Variants in KANK3 observed in about 807,000 individuals in gnomAD.
KANK3 encodes KN motif and ankyrin repeat domains 3.
KANK3 carries 61 observed loss-of-function variants against 65.4 expected under a neutral mutation model. The observed-to-expected ratio is 0.93, with a 90% CI of 0.76 to 1.15. The LOEUF is 1.15. Ranked by LOEUF, KANK3 falls within the 50% of genes most tolerant of loss-of-function variation. The pLI is 0.00. For synonymous variants in KANK3, 586 were observed against 543.3 expected (o/e 1.08, Z -1.09); for missense variants, 1,187 against 1,178.8 (o/e 1.01, Z -0.10).
chr19:8,323,312 G>T (rs1051879266), intron 10 of KANK3: 3 of 160,306 alleles, frequency 1.9e-5, no homozygotes, highest in Non-Finnish European at 4.2e-5. Flanking sequence ...TTTTAATAAA[G>T]TATTGAATGT....
chr19:8,342,626 G>A (rs1970735193), intron 1 of KANK3, among the ~76,000 whole-genome samples: 1 of 145,486 alleles, frequency 6.9e-6, no homozygotes, highest in Admixed American at 6.8e-5. Context: ...CTTCCAGGAG[G>A]CCCTGAGTAC....
chr19:8,323,258 C>T (rs1265754365), intron 10 of KANK3: 5 of 188,030 alleles, frequency 2.7e-5, no homozygotes, highest in African/African-American at 1.2e-4. Flanking sequence ...TTGTTCAGAA[C>T]GCCTTAGCCT....
In KANK3 at chr19:8,333,833, C is replaced by G; in HGVS notation, c.1635-25G>C. 1 of 1,547,098 alleles carries G rather than the reference C, an allele frequency of 6.5e-7. No homozygotes were observed. The highest frequency in any genetic ancestry group is 8.7e-7 in the Non-Finnish European group (1 of 1,145,930). Reference sequence around the variant, plus strand: ...CCTGCAGAGGAGGCCAGGAGAGACTCAGGATGGATCGGGGACAGCGCCGAC... The same window carrying G: ...CCTGCAGAGGAGGCCAGGAGAGACTGAGGATGGATCGGGGACAGCGCCGAC... On this transcript the variant is annotated intron_variant, in intron 5 of 10. Coordinates refer to ENST00000330915, the MANE Select transcript of KANK3 (RefSeq NM_198471.3). This position sits in a 1 kb window ranked among gnomAD's most constrained non-coding sequence, Gnocchi z 5.0.
chr19:8,326,631 CAAAA>C (rs1206711323), intron 7 of KANK3, among the ~76,000 whole-genome samples: 2 of 128,388 alleles, frequency 1.6e-5, no homozygotes, highest in Non-Finnish European at 3.3e-5. Flanking sequence ...ACTAAAAATA[CAAAA>C]AAAAAAAAAA....
intron 2 of KANK3, among the ~76,000 whole-genome samples, chr19:8,336,153 C>A (rs559529655): frequency 1.6e-4 from 25 of 152,300 alleles, no homozygotes; most frequent in Admixed American, 6.5e-4. Flanking sequence ...GAGTGGAGCC[C>A]TGGCCCGGCG....
rs771120307 is a variant in KANK3 at position 8,324,762 on chromosome 19, C to A, written c.2151G>T (p.Ala717=). 4.3e-6 allele frequency: 7 copies of A among 1,614,074 alleles called. No homozygotes were observed. The highest frequency in any genetic ancestry group is 2.7e-5 in the African/African-American group (2 of 75,072). The change falls in exon 9 of 11, where the codon GCG becomes GCT. Residue 717 remains alanine, a synonymous_variant. Coordinates refer to ENST00000330915, the MANE Select transcript of KANK3 (RefSeq NM_198471.3). The part of the protein sequence containing the change: ...GRQDMVATLL[A]CGADVNAQDA... ...CCTGCGCATTCACATCAGCCCCACA[C>A]GCCAGTAGGGTTGCCACCATGTCCT...
Position 8,335,586 on chromosome 19 carries a change from C to T in KANK3, c.241G>A (p.Ala81Thr), listed in dbSNP as rs1475226532. ...CAGGCGCCTGGGCTACGTGCGCCCGCGAGGCCGGGCCGGGGCGCGCGGGGA... is the reference window on the plus strand; with the variant it reads ...CAGGCGCCTGGGCTACGTGCGCCCGTGAGGCCGGGCCGGGGCGCGCGGGGA... The part of the protein sequence containing the change: ...RRPRAPRPGL[A>T]GARSPGAWTS... The change falls in exon 3 of 11, where the codon GCG (alanine) becomes ACG (threonine). Residue 81 changes from alanine (A) to threonine (T), a missense_variant. Ala to Thr is a moderately conservative substitution (Grantham distance 58). This residue lies in a region of KANK3 where 104 missense variants were observed against 122.1 expected (regional missense o/e 0.85). Coordinates refer to ENST00000330915, the MANE Select transcript of KANK3 (RefSeq NM_198471.3). The T allele has an allele frequency of 1.6e-6, 2 of 1,223,328 alleles. No homozygotes were observed. The highest frequency in any genetic ancestry group is 2.0e-6 in the Non-Finnish European group (2 of 976,936). 75.8% of individuals were successfully genotyped at this position (1,223,328 alleles called of 1,614,324 possible).
In KANK3 at chr19:8,324,648, G is replaced by T. The variant is rs1297272578; in HGVS notation, c.2265C>A (p.Asp755Glu). Residue 755 changes from aspartate to glutamate, a missense_variant, in exon 9 of 11, where the codon GAC (aspartate) becomes GAA (glutamate). Asp to Glu is a conservative substitution (Grantham distance 45, BLOSUM62 2). Coordinates refer to ENST00000330915, the MANE Select transcript of KANK3 (RefSeq NM_198471.3). ...VRLLLTQPGC[D>E]PAILDNEGTS... Reference sequence around the variant, plus strand: ...GTCTTACATTGTCCAGGATGGCAGGGTCACAGCCTGGCTGGGTGAGCAGCA... The same window carrying T: ...GTCTTACATTGTCCAGGATGGCAGGTTCACAGCCTGGCTGGGTGAGCAGCA... The T allele has an allele frequency of 1.2e-6, 2 of 1,614,008 alleles. No homozygotes were observed. Among genetic ancestry groups the T allele is most frequent in the Non-Finnish European group, 1.7e-6 (2 of 1,180,010 alleles).
At chr19:8,340,291 T>TATATATATATATATATACACAC (rs1472181365) in intron 1 of KANK3, among the ~76,000 whole-genome samples, 195 of 92,782 alleles carry the variant, frequency 2.1e-3, no homozygotes, top group Admixed American at 3.1e-3. Context: ...TATATATATA[T>TATATATATATATATATACACAC]ACACACACAC....
intron 7 of KANK3, among the ~76,000 whole-genome samples, chr19:8,328,476 T>A (rs1218154270): frequency 1.3e-5 from 2 of 151,048 alleles, no homozygotes; most frequent in Admixed American, 1.3e-4. Flanking sequence ...GAGCAGGCAT[T>A]TATTCAACAC....
chr19:8,333,165 C>T lies in KANK3; in HGVS notation c.1785G>A (p.Glu595=), dbSNP rs755968454. ...CCCCTTCCAGCATCCTGGCCACGGG[C>T]TCCGCCTGAGAGCGCCGCTGGCTGG... ...RVSSQRRSQA[E]PVARMLEGVR... Residue 595 remains glutamate (E), a synonymous_variant, in exon 7 of 11, where the codon GAG becomes GAA. Coordinates refer to ENST00000330915, the MANE Select transcript of KANK3 (RefSeq NM_198471.3). This position sits in a 1 kb window ranked among gnomAD's most constrained non-coding sequence, Gnocchi z 5.0. 2 of 1,613,022 alleles carry T rather than the reference C, an allele frequency of 1.2e-6. No individual in the cohort carries two copies. Among genetic ancestry groups the T allele is most frequent in the South Asian group, 2.2e-5 (2 of 91,054 alleles).
At position 8,335,217 on chromosome 19, in the gene KANK3, C is replaced by T; in HGVS notation, c.610G>A (p.Ala204Thr). The T allele has an allele frequency of 1.6e-6, 2 of 1,221,796 alleles. No homozygotes were observed. Among genetic ancestry groups the T allele is most frequent in the South Asian group, 6.2e-5 (2 of 32,100 alleles). 75.7% of individuals were successfully genotyped at this position (1,221,796 alleles called of 1,614,324 possible). Reference sequence around the variant, plus strand: ...TCCTGCAGCTCGGGCAGCGTTCGCGCCTGGTCCTCGAGCTCGCGCAGGCGC... The same window carrying T: ...TCCTGCAGCTCGGGCAGCGTTCGCGTCTGGTCCTCGAGCTCGCGCAGGCGC... ...LRRLRELEDQ[A>T]RTLPELQEQV... Residue 204 changes from alanine to threonine, a missense_variant, in exon 3 of 11, where the codon GCG becomes ACG. Around this residue, in one of 3 missense-constraint regions of KANK3, gnomAD observed 1,078 missense variants for 1,038.2 expected, o/e 1.04. Transcript: ENST00000330915.
rs192292441 is a variant in KANK3 at position 8,322,804 on chromosome 19, C to T, written c.*35G>A. 8.6e-6 allele frequency: 13 copies of T among 1,511,456 alleles called. No individual in the cohort carries two copies. The Admixed American group carries it at 1.7e-4, about 20-fold the overall frequency. The allele number at this position is 1,511,456 out of a possible 1,614,324, so 93.6% of individuals were successfully genotyped here. On this transcript the variant is annotated 3_prime_UTR_variant, in exon 11 of 11. Coordinates refer to ENST00000330915, the MANE Select transcript of KANK3 (RefSeq NM_198471.3). ...CTGAGGTGACTGACGAGGAGATCTC[C>T]CCACAGCTAGGTGTAGTGAGCCAGA...
chr19:8,339,332 C>T lies in KANK3; in HGVS notation c.-28-1476G>A, dbSNP rs561495617. Among the ~76,000 whole-genome samples the T allele has an allele frequency of 3.4e-4, 51 of 151,192 alleles. 1 individual carries two copies. The highest frequency in any genetic ancestry group is 9.9e-4 in the African/African-American group (41 of 41,212). On this transcript the variant is annotated intron_variant, in intron 1 of 10. Transcript: ENST00000330915. ...GAGCCTAGGAGTCAAGACCCACCTG[C>T]GCAACATAGCGAGACCCTATCTCTT...
At position 8,333,093 on chromosome 19, in the gene KANK3, C is replaced by G; in HGVS notation, c.1857G>C (p.Ala619=). The change falls in exon 7 of 11, where the codon GCG becomes GCC. Residue 619 remains alanine (A), a synonymous_variant. Transcript: ENST00000330915. The surrounding 1 kb of genome is among the most constrained non-coding windows in gnomAD (Gnocchi z 5.0). ...PELLAHVVNL[A]DGNGNTALHY... ...GCAGGGCCGTGTTCCCGTTGCCATC[C>G]GCCAGGTTCACCACGTGCGCCAGCA... 9.9e-6 allele frequency: 16 copies of G among 1,613,010 alleles called. No individual in the cohort carries two copies. The highest frequency in any genetic ancestry group is 1.4e-5 in the Non-Finnish European group (16 of 1,179,790).
At chr19:8,339,963 C>CAAA (rs59020478) in intron 1 of KANK3, among the ~76,000 whole-genome samples, 6 of 95,770 alleles carry the variant, frequency 6.3e-5, no homozygotes, top group African/African-American at 1.5e-4. Flanking sequence ...GACCTTGTCT[C>CAAA]AAAAAAAAAA....
At chr19:8,329,828 C>A (rs543151798) in intron 7 of KANK3, among the ~76,000 whole-genome samples, 8 of 152,156 alleles carry the variant, frequency 5.3e-5, no homozygotes, top group African/African-American at 1.9e-4. Flanking sequence ...AAATAAGGAA[C>A]CTGCTTTGTG....
At position 8,335,380 on chromosome 19, in the gene KANK3, G is replaced by A. The variant is rs1970617716; in HGVS notation, c.447C>T (p.Arg149=). ...RRLELAQTHE[R]APSPGRGVPR... ...GGACCCCGCGGCCGGGGCTGGGCGC[G>A]CGCTCGTGTGTCTGCGCCAGCTCCA... The change falls in exon 3 of 11, where the codon CGC becomes CGT. Residue 149 remains arginine (R), a synonymous_variant. Coordinates refer to ENST00000330915, the MANE Select transcript of KANK3 (RefSeq NM_198471.3). 2.5e-5 allele frequency: 30 copies of A among 1,198,376 alleles called. No individual in the cohort carries two copies. Among genetic ancestry groups the A allele is most frequent in the Non-Finnish European group, 3.0e-5 (29 of 966,894 alleles). The allele number at this position is 1,198,376 out of a possible 1,614,324, so 74.2% of individuals were successfully genotyped here.
In KANK3 at chr19:8,335,429, G is replaced by C; in HGVS notation, c.398C>G (p.Thr133Arg). The C allele has an allele frequency of 8.2e-7, 1 of 1,215,780 alleles. No homozygotes were observed. Among genetic ancestry groups the C allele is most frequent in the Non-Finnish European group, 1.0e-6 (1 of 976,944 alleles). 75.3% of individuals were successfully genotyped at this position (1,215,780 alleles called of 1,614,324 possible). The change falls in exon 3 of 11, where the codon ACG (threonine) becomes AGG (arginine). Residue 133 changes from threonine (T) to arginine (R), a missense_variant. Coordinates refer to ENST00000330915, the MANE Select transcript of KANK3 (RefSeq NM_198471.3). ...CAGCCGCCGGCTGGTCTCCCGGAGC[G>C]TGTGCTCGACGCGCGGGTTGCGCAC... ...APVRNPRVEH[T>R]LRETSRRLEL...
Sources: gnomAD v4.1 joint callset for allele counts (sites outside exome capture counted in the v4.1 genomes callset) on GRCh38, gnomAD v4.1.1 for gene constraint, gnomAD v4.1.1 regional missense constraint, Gnocchi (gnomAD v3.1) non-coding constraint, MANE v1.5 for transcripts, NCBI Gene and HGNC (gene_info 2026-07-23, HGNC 2026-07-21) for gene names.